Variants in GABRA4 observed in about 807,000 individuals in gnomAD.
The protein encoded by GABRA4 is gamma-aminobutyric acid type A receptor subunit alpha4, also known as gamma-aminobutyric acid receptor subunit alpha-4.
A neutral mutation model predicts 49.7 loss-of-function variants in GABRA4; 12 were observed. That is an observed-to-expected ratio of 0.24 (90% CI 0.15 to 0.39). The LOEUF (loss-of-function observed/expected upper bound fraction) is 0.39. Among genes scored for constraint, GABRA4 ranks in the 10% least tolerant of loss-of-function variants. The pLI is 1.00. For missense variants in GABRA4, 506 were observed against 686.0 expected (o/e 0.74, Z 2.93); for synonymous variants, 288 against 240.2 (o/e 1.20, Z -1.84).
In GABRA4 at chr4:46,926,576, A is replaced by G. The variant is rs772038926; in HGVS notation, c.*1649T>C. The stretch of plus-strand genomic sequence containing the variant: ...AATTAACTACTATCACTTCTTTTCT[A>G]TAAAAACAAAAAGAGAGAGAGAGAT... On this transcript the variant is annotated 3_prime_UTR_variant, in exon 9 of 9. Transcript: ENST00000264318. The G allele has an allele frequency of 2.6e-5, 4 of 151,986 alleles. No individual in the cohort carries two copies. Among genetic ancestry groups the G allele is most frequent in the Non-Finnish European group, 5.9e-5 (4 of 67,902 alleles). 9.4% of individuals were successfully genotyped at this position (151,986 alleles called of 1,614,324 possible). A position where few individuals can be genotyped will look rare whatever the true frequency, so the allele number is the denominator to read the frequency against.
intron 3 of GABRA4, among the ~76,000 whole-genome samples, 157 bp downstream of exon 3, chr4:46,978,874 A>T (rs1723248366): frequency 6.6e-6 from 1 of 152,024 alleles, no homozygotes; most frequent in Non-Finnish European, 1.5e-5. Context: ...ATTGAATGAG[A>T]TTCAATGTCT....
intron 7 of GABRA4, among the ~76,000 whole-genome samples, chr4:46,968,110 GA>G (rs1171258967): frequency 2.0e-5 from 3 of 151,428 alleles, no homozygotes; most frequent in African/African-American, 7.3e-5. Context: ...AGTGGAAAGG[GA>G]AATAAGAGTT....
chr4:46,957,116 A>G (rs1307897981), intron 8 of GABRA4, among the ~76,000 whole-genome samples: 2 of 151,984 alleles, frequency 1.3e-5, no homozygotes, highest in Non-Finnish European at 2.9e-5. Context: ...TACTTTATGG[A>G]ATGACATAAC....
Position 46,925,291 on chromosome 4 carries a change from A to G in GABRA4, c.*2934T>C, listed in dbSNP as rs1721179143. 6.6e-6 allele frequency: 1 copy of G among 151,940 alleles called. No homozygotes were observed. Among genetic ancestry groups the G allele is most frequent in the Non-Finnish European group, 1.5e-5 (1 of 67,860 alleles). The allele number at this position is 151,940 out of a possible 1,614,324, so 9.4% of individuals were successfully genotyped here. A position where few individuals can be genotyped will look rare whatever the true frequency, so the allele number is the denominator to read the frequency against. ...TTGTGAGGTCCAATTTAAAATATAC[A>G]TTATTCAAAGTACTATGTATATGCA... On this transcript the variant is annotated 3_prime_UTR_variant, in exon 9 of 9. Coordinates refer to ENST00000264318, the MANE Select transcript of GABRA4 (RefSeq NM_000809.4).
Position 46,926,770 on chromosome 4 carries a change from G to A in GABRA4, c.*1455C>T, listed in dbSNP as rs991608364. 8 of 152,042 alleles carry A rather than the reference G, an allele frequency of 5.3e-5. No individual in the cohort carries two copies. Among genetic ancestry groups the A allele is most frequent in the Non-Finnish European group, 1.2e-4 (8 of 67,890 alleles). The allele number at this position is 152,042 out of a possible 1,614,324, so 9.4% of individuals were successfully genotyped here. A position where few individuals can be genotyped will look rare whatever the true frequency, so the allele number is the denominator to read the frequency against. On this transcript the variant is annotated 3_prime_UTR_variant, in exon 9 of 9. Coordinates refer to ENST00000264318, the MANE Select transcript of GABRA4 (RefSeq NM_000809.4). Reference sequence around the variant, plus strand: ...GCATAGACAGTTGCAAAATTCTCAAGTAAGTTGTTAAGCCTACCTAATGAG... The same window carrying A: ...GCATAGACAGTTGCAAAATTCTCAAATAAGTTGTTAAGCCTACCTAATGAG...
Position 46,993,462 on chromosome 4 carries a change from C to A in GABRA4, c.-38G>T. On this transcript the variant is annotated 5_prime_UTR_variant, in exon 1 of 9. Coordinates refer to ENST00000264318, the MANE Select transcript of GABRA4 (RefSeq NM_000809.4). ...CCATACTTCAAGCCTGTTCACGTTTCCAGGCTCTTCAGATGCCCTGAGCAG... is the reference window on the plus strand; with the variant it reads ...CCATACTTCAAGCCTGTTCACGTTTACAGGCTCTTCAGATGCCCTGAGCAG... The A allele has an allele frequency of 6.2e-7, 1 of 1,601,916 alleles. No individual in the cohort carries two copies.
chr4:46,952,679 A>G (rs1032689378), intron 8 of GABRA4, among the ~76,000 whole-genome samples: 4 of 152,140 alleles, frequency 2.6e-5, no homozygotes, highest in African/African-American at 9.6e-5. Context: ...AGAAGGAATG[A>G]ATAATCTTAC....
At chr4:46,953,393 T>C (rs1174471041) in intron 8 of GABRA4, among the ~76,000 whole-genome samples, 2 of 152,176 alleles carry the variant, frequency 1.3e-5, no homozygotes, top group Non-Finnish European at 2.9e-5. Context: ...AAAAACTACC[T>C]CCTAAACTTC....
At chr4:46,956,622 A>G (rs1722375312) in intron 8 of GABRA4, among the ~76,000 whole-genome samples, 2 of 151,940 alleles carry the variant, frequency 1.3e-5, no homozygotes, top group African/African-American at 4.8e-5. Flanking sequence ...ACTGCTGAAA[A>G]TGTGACTCAG....
At chr4:46,965,310 A>G (rs1283193018) in intron 7 of GABRA4, 81 bp from the exon 8 acceptor site, 1 of 1,221,058 alleles carries the variant, frequency 8.2e-7, no homozygotes. Context: ...ACAAAAACCT[A>G]GAAAATCATG....
At chr4:46,969,791 T>A (rs1722886520) in intron 7 of GABRA4, among the ~76,000 whole-genome samples, 1 of 151,396 alleles carries the variant, frequency 6.6e-6, no homozygotes, top group African/African-American at 2.4e-5. Context: ...CACCTACAGC[T>A]TAGATTTGTT....
chr4:46,991,815 G>C (rs1429503638), intron 2 of GABRA4, among the ~76,000 whole-genome samples: 1 of 152,146 alleles, frequency 6.6e-6, no homozygotes, highest in East Asian at 1.9e-4. Flanking sequence ...AAAATGCCTG[G>C]TATATGTGAA....
At chr4:46,945,513 C>A (rs978359735) in intron 8 of GABRA4, among the ~76,000 whole-genome samples, 1 of 152,068 alleles carries the variant, frequency 6.6e-6, no homozygotes, top group Non-Finnish European at 1.5e-5. Flanking sequence ...AATCATAGTT[C>A]TAAAGCTATC....
At chr4:46,973,290 C>A (rs910031779) in intron 6 of GABRA4, among the ~76,000 whole-genome samples, 3 of 151,646 alleles carry the variant, frequency 2.0e-5, no homozygotes, top group Non-Finnish European at 4.4e-5. Context: ...GGTGTTTAAA[C>A]CATGATGGTG....
chr4:46,933,615 A>G (rs901163038), intron 8 of GABRA4, among the ~76,000 whole-genome samples: 2 of 152,158 alleles, frequency 1.3e-5, no homozygotes, highest in African/African-American at 4.8e-5. Flanking sequence ...GACAGACCAC[A>G]AAAGGAATAA....
rs1721046735 is a variant in GABRA4 at position 46,921,859 on chromosome 4, T to G, written c.*6366A>C. 1 of 152,098 alleles carries G rather than the reference T, an allele frequency of 6.6e-6. No individual in the cohort carries two copies. The highest frequency in any genetic ancestry group is 1.5e-5 in the Non-Finnish European group (1 of 68,012). The allele number at this position is 152,098 out of a possible 1,614,324, so 9.4% of individuals were successfully genotyped here. A position where few individuals can be genotyped will look rare whatever the true frequency, so the allele number is the denominator to read the frequency against. ...GATGACAAACTATAGTCAGCAGCTTTTAAGTAGGTAGCCATTTGCACTAAT... is the reference window on the plus strand; with the variant it reads ...GATGACAAACTATAGTCAGCAGCTTGTAAGTAGGTAGCCATTTGCACTAAT... On this transcript the variant is annotated 3_prime_UTR_variant, in exon 9 of 9. Transcript: ENST00000264318.
At chr4:46,989,598 G>A (rs1208657148) in intron 2 of GABRA4, among the ~76,000 whole-genome samples, 1 of 152,192 alleles carries the variant, frequency 6.6e-6, no homozygotes, top group African/African-American at 2.4e-5. Flanking sequence ...ATCGCAAGCT[G>A]TGCTGCTGAG....
chr4:46,945,706 T>C (rs1336104565), intron 8 of GABRA4, among the ~76,000 whole-genome samples: 3 of 152,114 alleles, frequency 2.0e-5, no homozygotes, highest in African/African-American at 7.2e-5. Context: ...AAGTGAAATC[T>C]GGTTGTTAAT....
chr4:46,966,471 A>G (rs1722756002), intron 7 of GABRA4, among the ~76,000 whole-genome samples: 2 of 151,752 alleles, frequency 1.3e-5, no homozygotes, highest in African/African-American at 4.8e-5. Flanking sequence ...CTCAATTCAG[A>G]ATTTTGTTGT....
Sources: allele counts gnomAD v4.1 joint callset (sites outside exome capture counted in the v4.1 genomes callset), GRCh38; gene constraint gnomAD v4.1.1; transcripts MANE v1.5; gene names NCBI Gene and HGNC (gene_info 2026-07-23, HGNC 2026-07-21).